Variants in RBFOX1 observed in about 807,000 individuals in gnomAD.
RBFOX1 encodes the protein RNA binding protein fox-1 homolog 1.
A neutral mutation model predicts 57.7 loss-of-function variants in RBFOX1; 8 were observed. That is an observed-to-expected ratio of 0.14 (90% CI 0.08 to 0.25). The LOEUF (loss-of-function observed/expected upper bound fraction) is 0.25, where lower values mean the gene tolerates loss of function less well. RBFOX1 is among the 10% of genes least tolerant of loss of function. The pLI, the probability that RBFOX1 is intolerant of heterozygous loss-of-function variation, is 1.00. For missense variants in RBFOX1, 611 were observed against 548.5 expected, an observed-to-expected ratio of 1.11 and a Z score of -1.14; for synonymous variants, 326 against 222.4, an observed-to-expected ratio of 1.47 and a Z score of -4.15.
intron 4 of RBFOX1, among the ~76,000 whole-genome samples, chr16:7,368,406 A>G (rs1281067467): frequency 2.0e-5 from 3 of 152,164 alleles, no homozygotes; most frequent in African/African-American, 4.8e-5. Flanking sequence ...CCAGAAAACC[A>G]GCATCATTCA....
intron 4 of RBFOX1, among the ~76,000 whole-genome samples, chr16:7,342,021 G>A (rs1484706230): frequency 6.6e-6 from 1 of 151,904 alleles, no homozygotes; most frequent in Non-Finnish European, 1.5e-5. Context: ...GTGAGGAGGG[G>A]GATCACTTGT....
chr16:7,631,258 T>C lies in RBFOX1; in HGVS notation c.757+575T>C, dbSNP rs1568187586. ...GGGCAGCAACATTAAATAACTGTCT[T>C]TTAAAAAATCGGGGCACTTTTAAAC... is the stretch of plus-strand genomic sequence containing the variant. On this transcript the variant is annotated intron_variant, in intron 11 of 15. Transcript: ENST00000550418. 2.0e-5 allele frequency among the ~76,000 whole-genome samples: 3 copies of C among 152,252 alleles called. No homozygotes were observed. In the South Asian group the frequency reaches 6.2e-4, roughly 32 times the overall value.
chr16:7,169,212 G>A (rs1601714373), intron 4 of RBFOX1, among the ~76,000 whole-genome samples: 1 of 152,216 alleles, frequency 6.6e-6, no homozygotes, highest in South Asian at 2.1e-4. Flanking sequence ...TGAACAGGAT[G>A]TGATGATAAT....
chr16:6,952,176 C>G (rs9924276), intron 3 of RBFOX1, among the ~76,000 whole-genome samples: 1,887 of 152,232 alleles, frequency 0.012, 37 homozygotes, highest in African/African-American at 0.043. Context: ...CTATGTGGCA[C>G]TCTGAGAGAA....
chr16:6,550,738 T>C lies in RBFOX1; in HGVS notation c.-63-103865T>C, dbSNP rs1319314248. On this transcript the variant is annotated intron_variant, in intron 2 of 15. Coordinates refer to ENST00000550418, the MANE Select transcript of RBFOX1 (RefSeq NM_018723.4). ...AATTGTTATACTTCATAAAATACTT[T>C]GTACCTACTTCAGTTTTAGTTTCTA... is the stretch of plus-strand genomic sequence containing the variant. Among the ~76,000 whole-genome samples, 3 of 152,238 alleles carry C rather than the reference T, an allele frequency of 2.0e-5. No homozygotes were observed. The East Asian group carries it at 5.8e-4, about 29-fold the overall frequency.
chr16:7,686,557 T>C (rs1173243643), intron 14 of RBFOX1, among the ~76,000 whole-genome samples: 1 of 151,896 alleles, frequency 6.6e-6, no homozygotes, highest in Non-Finnish European at 1.5e-5. Flanking sequence ...GACTTTCCTT[T>C]AGGAGTCTAC....
At chr16:6,295,827 C>T (rs914343713) in intron 1 of RBFOX1, among the ~76,000 whole-genome samples, 1 of 152,110 alleles carries the variant, frequency 6.6e-6, no homozygotes, top group Admixed American at 6.5e-5. Flanking sequence ...GCGCCGGGAG[C>T]GATTTGTCAG....
chr16:7,689,403 A>G (rs1160582162), intron 14 of RBFOX1, among the ~76,000 whole-genome samples: 1 of 152,282 alleles, frequency 6.6e-6, no homozygotes, highest in East Asian at 1.9e-4. Flanking sequence ...ACTTCAAGGT[A>G]AGAAGCAGCA....
chr16:7,589,172 G>A (rs1176445829), intron 7 of RBFOX1, among the ~76,000 whole-genome samples: 2 of 152,194 alleles, frequency 1.3e-5, no homozygotes, highest in Admixed American at 6.5e-5. Context: ...TAGATGACCC[G>A]AATGTTGACC....
intron 3 of RBFOX1, among the ~76,000 whole-genome samples, chr16:5,669,608 C>T (rs1038561003): frequency 6.6e-5 from 10 of 152,004 alleles, no homozygotes; most frequent in Non-Finnish European, 1.5e-4. Context: ...TTATTAGAGA[C>T]GGGGTTTCAC....
At chr16:6,072,173 A>G (rs934013076) in intron 1 of RBFOX1, among the ~76,000 whole-genome samples, 5 of 152,108 alleles carry the variant, frequency 3.3e-5, no homozygotes, top group African/African-American at 1.2e-4. Flanking sequence ...GCCCTTTATA[A>G]CATCATCATC....
At chr16:5,300,375 C>G (rs182904175) in intron 1 of RBFOX1, among the ~76,000 whole-genome samples, 1 of 151,860 alleles carries the variant, frequency 6.6e-6, no homozygotes, top group Non-Finnish European at 1.5e-5. Context: ...AGGGTGGGAG[C>G]GGGTGAGGGA....
At chr16:7,456,791 A>C (rs1041562562) in intron 4 of RBFOX1, among the ~76,000 whole-genome samples, 5 of 151,752 alleles carry the variant, frequency 3.3e-5, no homozygotes, top group Admixed American at 2.6e-4. Context: ...GAGGCAGTCT[A>C]CTCCAAGCCT....
intron 3 of RBFOX1, among the ~76,000 whole-genome samples, chr16:6,745,054 A>G (rs924391652): frequency 6.6e-6 from 1 of 152,090 alleles, no homozygotes; most frequent in East Asian, 1.9e-4. Context: ...ATTATGAACA[A>G]CCTTATTTTA....
intron 1 of RBFOX1, among the ~76,000 whole-genome samples, chr16:6,204,974 G>A (rs970908431): frequency 2.6e-5 from 4 of 152,144 alleles, no homozygotes; most frequent in Non-Finnish European, 4.4e-5. Context: ...AATATTATTA[G>A]CAATAAAAGG....
chr16:7,120,830 T>TATACACACACACAC (rs1226442313), intron 4 of RBFOX1, among the ~76,000 whole-genome samples: 16 of 86,542 alleles, frequency 1.8e-4, no homozygotes, highest in South Asian at 3.3e-4. Context: ...TATGTATATA[T>TATACACACACACAC]ACACACACAC....
At chr16:6,769,044 T>A (rs765732569) in intron 3 of RBFOX1, among the ~76,000 whole-genome samples, 2 of 152,058 alleles carry the variant, frequency 1.3e-5, no homozygotes, top group Non-Finnish European at 2.9e-5. Flanking sequence ...CTTCTTTTTC[T>A]GTTTAACAGT....
In RBFOX1 at chr16:6,574,671, G is replaced by A. The variant is rs1418217198; in HGVS notation, c.-63-79932G>A. On this transcript the variant is annotated intron_variant, in intron 2 of 15. Transcript: ENST00000550418. ...TCTCGATCTCCTGACCTCGTGATCC[G>A]CCCGCCTCGGCCTCCCAAAGTGCTG... 2.4e-4 allele frequency among the ~76,000 whole-genome samples: 32 copies of A among 131,468 alleles called. 1 individual carries two copies. Among genetic ancestry groups the A allele is most frequent in the Admixed American group, 1.4e-3 (18 of 13,222 alleles). The allele number at this position is 131,468 out of a possible 152,430, so 86.2% of individuals were successfully genotyped here. A position where few individuals can be genotyped will look rare whatever the true frequency, so the allele number is the denominator to read the frequency against.
At chr16:6,917,767 GT>G (rs1567870657) in intron 3 of RBFOX1, among the ~76,000 whole-genome samples, 2 of 152,176 alleles carry the variant, frequency 1.3e-5, no homozygotes, top group Admixed American at 6.5e-5. Context: ...CTCAGGGCTT[GT>G]TCTCCTCCTC....
Sources: gnomAD v4.1 joint callset for allele counts (sites outside exome capture counted in the v4.1 genomes callset) on GRCh38, gnomAD v4.1.1 for gene constraint, MANE v1.5 for transcripts, NCBI Gene and HGNC (gene_info 2026-07-23, HGNC 2026-07-21) for gene names.